The following DMBT1 variants were observed in gnomAD, a reference collection of about 807,000 sequenced individuals.
The protein encoded by DMBT1 is deleted in malignant brain tumors 1.
In DMBT1, 198 loss-of-function variants were observed where a neutral mutation model predicts 252.9. The observed-to-expected ratio is 0.78, with a 90% CI of 0.70 to 0.88. DMBT1 has a LOEUF of 0.88. DMBT1 is among the 40% of genes least tolerant of loss of function. DMBT1 has a pLI of 0.00. For missense variants in DMBT1, 2,432 were observed against 2,404.7 expected (o/e 1.01, Z -0.24); for synonymous variants, 990 against 942.7 (o/e 1.05, Z -0.92).
At chr10:122,586,744 G>C (rs1038162735) in intron 16 of DMBT1, among the ~76,000 whole-genome samples, 1 of 148,842 alleles carries the variant, frequency 6.7e-6, no homozygotes, top group African/African-American at 2.4e-5. Flanking sequence ...GGTCTTTGCA[G>C]GCTGCATAGG....
At position 122,643,337 on chromosome 10, in the gene DMBT1, A is replaced by G. The variant is rs199985306; in HGVS notation, c.7568A>G (p.Asp2523Gly). The change falls in exon 56 of 56, where the codon GAC (aspartate) becomes GGC (glycine). Residue 2523 changes from aspartate to glycine, a missense_variant. Coordinates refer to ENST00000338354, the MANE Select transcript of DMBT1 (RefSeq NM_001377530.1). ...RDVGSYQEKV[D>G]VVLGPIQLQT... ...GTGGGCTCCTACCAGGAAAAGGTGG[A>G]CGTCGTCCTGGGTCCCATCCAGCTG... 6.2e-7 allele frequency: 1 copy of G among 1,613,818 alleles called. No individual in the cohort carries two copies. Among genetic ancestry groups the G allele is most frequent in the African/African-American group, 1.3e-5 (1 of 74,964 alleles).
At chr10:122,584,640 C>T (rs1040526697) in intron 14 of DMBT1, among the ~76,000 whole-genome samples, 1 of 149,032 alleles carries the variant, frequency 6.7e-6, no homozygotes, top group Non-Finnish European at 1.5e-5. Flanking sequence ...ATAGCTTTGA[C>T]CCTTTTCTAT....
rs1296078700 is a variant in DMBT1 at position 122,643,437 on chromosome 10, A to G, written c.*39A>G. 2 of 1,574,946 alleles carry G rather than the reference A, an allele frequency of 1.3e-6. No homozygotes were observed. The highest frequency in any genetic ancestry group is 1.4e-5 in the African/African-American group (1 of 73,554). On this transcript the variant is annotated 3_prime_UTR_variant, in exon 56 of 56. Transcript: ENST00000338354. ...GACCCCACTGTCCACCGGGGCGCAG[A>G]CCCCTGACTCGGGGACTTGGGATGT...
intron 52 of DMBT1, among the ~76,000 whole-genome samples, chr10:122,634,393 TTTCTTTCTTTTC>T (rs1566003935): frequency 7.2e-6 from 1 of 138,712 alleles, no homozygotes; most frequent in Non-Finnish European, 1.6e-5. Context: ...TCTTTCTTTC[TTTCTTTCTTTTC>T]TTTCTTTCTC....
In DMBT1 at chr10:122,579,680, AC is replaced by A. The variant is rs757183697; in HGVS notation, c.783del (p.Tyr262ThrfsTer102). The A allele has an allele frequency of 2.9e-5, 47 of 1,613,692 alleles. No homozygotes were observed. In the Admixed American group the frequency reaches 7.5e-4, roughly 26 times the overall value. On this transcript the variant is annotated frameshift_variant, in exon 10 of 56. Coordinates refer to ENST00000338354, the MANE Select transcript of DMBT1 (RefSeq NM_001377530.1). LOFTEE classifies it high-confidence loss of function. The stretch of plus-strand genomic sequence containing the variant: ...GGCTCCTGGGGCACCGTGTGTGATG[AC>A]TACTGGGACACCAATGATGCCAATG... ...YRGSWGTVCD[D>X]YWDTNDANVV...
chr10:122,626,891 C>A (rs28411143), intron 46 of DMBT1, among the ~76,000 whole-genome samples: 11 of 152,122 alleles, frequency 7.2e-5, no homozygotes, highest in African/African-American at 9.7e-5. Context: ...GGAGCAGGTT[C>A]ATTTGCTGAA....
chr10:122,637,366 G>C (rs1271508460), intron 54 of DMBT1, 54 bp downstream of exon 54: 1 of 1,497,454 alleles, frequency 6.7e-7, no homozygotes, highest in Admixed American at 2.1e-5. Context: ...TCTTAGAGCG[G>C]TATGTCCTGT....
At chr10:122,585,440 A>G in intron 15 of DMBT1, 131 bp downstream of exon 15, 1 of 1,225,786 alleles carries the variant, frequency 8.2e-7, no homozygotes, top group South Asian at 1.5e-5. Flanking sequence ...GCATGGGAGG[A>G]AGGTAGAGTC....
intron 7 of DMBT1, 125 bp from the exon 8 acceptor site, chr10:122,577,686 G>A: frequency 9.3e-7 from 1 of 1,072,188 alleles, no homozygotes; most frequent in Non-Finnish European, 1.4e-6. Context: ...GCACTGGCAG[G>A]GCCCACTTGG....
At chr10:122,600,929 T>G (rs931814367) in intron 27 of DMBT1, 62 bp from the exon 28 acceptor site, 3 of 686,688 alleles carry the variant, frequency 4.4e-6, no homozygotes, top group Non-Finnish European at 2.7e-6. Context: ...CCAGAGAACC[T>G]TTTGTTCTGC....
intron 6 of DMBT1, among the ~76,000 whole-genome samples, chr10:122,574,599 G>A (rs2097695422): frequency 6.6e-6 from 1 of 152,162 alleles, no homozygotes; most frequent in East Asian, 1.9e-4. Flanking sequence ...TTGAAGTGAG[G>A]GTGAGACTGG....
intron 24 of DMBT1, among the ~76,000 whole-genome samples, chr10:122,597,430 T>G (rs1011765401): frequency 7.2e-5 from 11 of 152,274 alleles, no homozygotes; most frequent in Middle Eastern, 6.8e-3. Context: ...AGCTAAAGCC[T>G]TAAACATGGC....
chr10:122,586,210 G>A lies in DMBT1; in HGVS notation c.1610G>A (p.Cys537Tyr), dbSNP rs1438908902. The A allele has an allele frequency of 1.9e-6, 3 of 1,589,168 alleles. No individual in the cohort carries two copies. Among genetic ancestry groups the A allele is most frequent in the Non-Finnish European group, 2.6e-6 (3 of 1,166,094 alleles). Residue 537 changes from cysteine (C) to tyrosine (Y), a missense_variant, in exon 16 of 56, where the codon TGT becomes TAT. Physicochemically the swap from Cys to Tyr is radical, Grantham distance 194. This residue lies in a region of DMBT1 where 1,264 missense variants were observed against 1,082.2 expected (regional missense o/e 1.17). Coordinates refer to ENST00000338354, the MANE Select transcript of DMBT1 (RefSeq NM_001377530.1). Reference sequence around the variant, plus strand: ...AATGTGGTCTGCAGGCAGCTGGGCTGTGGCTGGGCCATGTTGGCCCCAGGA... The same window carrying A: ...AATGTGGTCTGCAGGCAGCTGGGCTATGGCTGGGCCATGTTGGCCCCAGGA... Reference protein sequence around the residue: ...DANVVCRQLGCGWAMLAPGNA... With the variant: ...DANVVCRQLGYGWAMLAPGNA...
At chr10:122,630,873 G>A (rs2098159089) in intron 48 of DMBT1, 88 bp from the exon 49 acceptor site, 4 of 1,412,618 alleles carry the variant, frequency 2.8e-6, no homozygotes, top group South Asian at 2.8e-5. Context: ...GGTGGGAAAA[G>A]GCCTGTGGGA....
intron 1 of DMBT1, among the ~76,000 whole-genome samples, chr10:122,564,757 C>T (rs2097575891): frequency 6.6e-6 from 1 of 151,750 alleles, no homozygotes. Context: ...TATCATTGAC[C>T]CTGGATTCTT....
At chr10:122,617,440 G>A (rs557072572) in intron 40 of DMBT1, among the ~76,000 whole-genome samples, 180 bp downstream of exon 40, 1 of 151,518 alleles carries the variant, frequency 6.6e-6, no homozygotes, top group African/African-American at 2.4e-5. Flanking sequence ...GATGGAGGGT[G>A]CTGGTGACTG....
At chr10:122,578,469 G>A (rs916803225) in intron 8 of DMBT1, among the ~76,000 whole-genome samples, 3 of 152,166 alleles carry the variant, frequency 2.0e-5, no homozygotes, top group Non-Finnish European at 4.4e-5. Flanking sequence ...GGGGATGGGG[G>A]TGGTGAAGGT....
chr10:122,624,849 TG>T (rs1367631470), intron 44 of DMBT1, among the ~76,000 whole-genome samples: 4 of 152,152 alleles, frequency 2.6e-5, no homozygotes, highest in Admixed American at 6.5e-5. Flanking sequence ...TCTGTTCAGA[TG>T]GGCCTCCAAG....
Position 122,588,422 on chromosome 10 carries a change from T to A in DMBT1, c.1784-522T>A, listed in dbSNP as rs140579633. Among the ~76,000 whole-genome samples, 110 of 148,432 alleles carry A rather than the reference T, an allele frequency of 7.4e-4. 10 individuals carry two copies. In the East Asian group the frequency reaches 0.02, roughly 27 times the overall value. ...TAAAGAAAAAAAAAAAAGATCCTCATCCAGGTGCTGAGGACAAGCCCTGGA... is the reference window on the plus strand; with the variant it reads ...TAAAGAAAAAAAAAAAAGATCCTCAACCAGGTGCTGAGGACAAGCCCTGGA... On this transcript the variant is annotated intron_variant, in intron 16 of 55. Transcript: ENST00000338354.
Sources: gnomAD v4.1 joint callset for allele counts (sites outside exome capture counted in the v4.1 genomes callset) on GRCh38, gnomAD v4.1.1 for gene constraint, gnomAD v4.1.1 regional missense constraint, MANE v1.5 for transcripts, NCBI Gene and HGNC (gene_info 2026-07-23, HGNC 2026-07-21) for gene names.